RBFOX1: variants seen among roughly 807,000 people sequenced by gnomAD.
RBFOX1 encodes RNA binding protein fox-1 homolog 1.
In RBFOX1, 8 loss-of-function variants were observed where a neutral mutation model predicts 57.7. The observed-to-expected ratio is 0.14, with a 90% CI of 0.08 to 0.25. The LOEUF (loss-of-function observed/expected upper bound fraction) is 0.25, where lower values mean the gene tolerates loss of function less well. Ranked by LOEUF, RBFOX1 falls within the 10% of genes least tolerant of loss-of-function variation. RBFOX1 has a pLI of 1.00. For missense variants in RBFOX1, 611 were observed against 548.5 expected (o/e 1.11, Z -1.14); for synonymous variants, 326 against 222.4 (o/e 1.47, Z -4.15).
At chr16:7,112,827 T>C (rs545592947) in intron 4 of RBFOX1, among the ~76,000 whole-genome samples, 8 of 152,190 alleles carry the variant, frequency 5.3e-5, no homozygotes, top group Admixed American at 3.3e-4. Flanking sequence ...CTCTGTTTTA[T>C]GATTTGGGTA....
chr16:5,583,620 G>A (rs989181501), intron 2 of RBFOX1, among the ~76,000 whole-genome samples: 2 of 152,178 alleles, frequency 1.3e-5, no homozygotes, highest in Non-Finnish European at 2.9e-5. Context: ...CCATCAAGTT[G>A]AACTTGTCTG....
At chr16:6,655,911 T>C (rs761778068) in intron 3 of RBFOX1, among the ~76,000 whole-genome samples, 16 of 152,216 alleles carry the variant, frequency 1.1e-4, no homozygotes, top group Non-Finnish European at 1.9e-4. Context: ...AATTTGCTTT[T>C]AAATAAAAAG....
chr16:6,563,279 A>G (rs938937582), intron 2 of RBFOX1, among the ~76,000 whole-genome samples: 1 of 152,134 alleles, frequency 6.6e-6, no homozygotes, highest in African/African-American at 2.4e-5. Flanking sequence ...GTCTGTTGAC[A>G]TTATTCTTTA....
At position 7,435,497 on chromosome 16, in the gene RBFOX1, T is replaced by G. The variant is rs577540570; in HGVS notation, c.28-82650T>G. ...ACTGTGCTCTTTGGAAGGAAATCACTATGAGCAGTTGACACTTACGGGTGA... is the reference window on the plus strand; with the variant it reads ...ACTGTGCTCTTTGGAAGGAAATCACGATGAGCAGTTGACACTTACGGGTGA... On this transcript the variant is annotated intron_variant, in intron 4 of 15. Coordinates refer to ENST00000550418, the MANE Select transcript of RBFOX1 (RefSeq NM_018723.4). Among the ~76,000 whole-genome samples, 5 of 152,340 alleles carry G rather than the reference T, an allele frequency of 3.3e-5. No individual in the cohort carries two copies. The South Asian group carries it at 1.0e-3, about 32-fold the overall frequency.
chr16:5,668,811 G>T (rs1387293270), intron 3 of RBFOX1, among the ~76,000 whole-genome samples: 3 of 152,102 alleles, frequency 2.0e-5, no homozygotes, highest in Non-Finnish European at 4.4e-5. Context: ...GCTCGTAGCT[G>T]GTCTGAAGTT....
chr16:5,549,524 G>T (rs1421194451), intron 2 of RBFOX1, among the ~76,000 whole-genome samples: 2 of 152,198 alleles, frequency 1.3e-5, no homozygotes, highest in Non-Finnish European at 2.9e-5. Context: ...ATACGATAAA[G>T]GGGAAGATGA....
rs11866625 is a variant in RBFOX1, at chr16:5,322,435, G to T, written c.219+82330G>T. ...TTTTGGTCTGGGTGCTGAGCCGGGT[G>T]CCCTGGGCATGGCCAGAGGTGCACT... On this transcript the variant is annotated intron_variant, in intron 1 of 2. Transcript: ENST00000585867. 5.0e-3 allele frequency among the ~76,000 whole-genome samples: 768 copies of T among 152,254 alleles called. 7 individuals are homozygous for T. Among genetic ancestry groups the T allele is most frequent in the African/African-American group, 0.018 (732 of 41,536 alleles).
intron 2 of RBFOX1, among the ~76,000 whole-genome samples, chr16:5,494,465 C>T (rs961420022): frequency 1.8e-4 from 28 of 152,282 alleles, no homozygotes; most frequent in African/African-American, 6.7e-4. Context: ...ACTCTGGGGG[C>T]ATTGATGGAT....
At chr16:5,442,690 A>G (rs1004290925) in intron 1 of RBFOX1, among the ~76,000 whole-genome samples, 6 of 152,152 alleles carry the variant, frequency 3.9e-5, no homozygotes, top group Admixed American at 3.9e-4. Context: ...GAGCCCTGCT[A>G]TGTGCCATCA....
chr16:6,527,175 G>A (rs2096592625), intron 2 of RBFOX1, among the ~76,000 whole-genome samples: 2 of 152,028 alleles, frequency 1.3e-5, no homozygotes, highest in South Asian at 2.1e-4. Flanking sequence ...AGGGATATAG[G>A]GAAAAAGTAA....
At chr16:7,338,354 C>G (rs1384973735) in intron 4 of RBFOX1, among the ~76,000 whole-genome samples, 1 of 152,100 alleles carries the variant, frequency 6.6e-6, no homozygotes. Flanking sequence ...GCCTCTCTGA[C>G]GTGGATAGCA....
At chr16:7,510,793 T>G (rs755400105) in intron 4 of RBFOX1, among the ~76,000 whole-genome samples, 3 of 152,182 alleles carry the variant, frequency 2.0e-5, no homozygotes, top group Non-Finnish European at 4.4e-5. Context: ...ATGGATAGTT[T>G]TCCTCCAGTG....
intron 3 of RBFOX1, among the ~76,000 whole-genome samples, chr16:5,643,302 G>A (rs150618496): frequency 0.017 from 2,606 of 152,202 alleles, 74 homozygotes; most frequent in African/African-American, 0.059. Flanking sequence ...CTTGATTATC[G>A]TTTTTTTAGG....
At chr16:6,416,157 T>G (rs2093619108) in intron 2 of RBFOX1, among the ~76,000 whole-genome samples, 1 of 152,216 alleles carries the variant, frequency 6.6e-6, no homozygotes. Context: ...TGCAGCAGTG[T>G]CCTCGAAACC....
chr16:6,638,781 T>C (rs2098464213), intron 2 of RBFOX1, among the ~76,000 whole-genome samples: 1 of 152,166 alleles, frequency 6.6e-6, no homozygotes, highest in African/African-American at 2.4e-5. Flanking sequence ...GCTGGTTTGG[T>C]TGGTGCAGGT....
intron 2 of RBFOX1, among the ~76,000 whole-genome samples, chr16:6,640,828 C>T (rs1382298247): frequency 6.6e-6 from 1 of 152,012 alleles, no homozygotes; most frequent in Non-Finnish European, 1.5e-5. Context: ...CTGACTAGTC[C>T]CTGTCATGTT....
At chr16:7,584,157 C>G (rs904685862) in intron 6 of RBFOX1, among the ~76,000 whole-genome samples, 1 of 152,118 alleles carries the variant, frequency 6.6e-6, no homozygotes, top group Non-Finnish European at 1.5e-5. Flanking sequence ...TTGAACTAAC[C>G]TTTACTTTTA....
chr16:6,076,189 C>T (rs1157741657), intron 1 of RBFOX1, among the ~76,000 whole-genome samples: 3 of 151,904 alleles, frequency 2.0e-5, no homozygotes, highest in Admixed American at 6.6e-5. Context: ...ATCCCAGCTA[C>T]TCGGGAGGCT....
chr16:6,606,503 C>G (rs2097928314), intron 2 of RBFOX1, among the ~76,000 whole-genome samples: 1 of 152,108 alleles, frequency 6.6e-6, no homozygotes, highest in African/African-American at 2.4e-5. Flanking sequence ...GCTGTTTATC[C>G]TGATGCTTTC....
Sources: gnomAD v4.1 joint callset for allele counts (sites outside exome capture counted in the v4.1 genomes callset) on GRCh38, gnomAD v4.1.1 for gene constraint, MANE v1.5 for transcripts, NCBI Gene and HGNC (gene_info 2026-07-23, HGNC 2026-07-21) for gene names.